Variants in PCDH15 observed in about 807,000 individuals in gnomAD.
PCDH15 encodes protocadherin-15.
A neutral mutation model predicts 178.5 loss-of-function variants in PCDH15; 129 were observed. That is an observed-to-expected ratio of 0.72 (90% CI 0.63 to 0.84). The LOEUF (loss-of-function observed/expected upper bound fraction) is 0.84, where lower values mean the gene tolerates loss of function less well. PCDH15 is among the 40% of genes least tolerant of loss of function. The pLI, the probability that PCDH15 is intolerant of heterozygous loss-of-function variation, is 0.00. For missense variants in PCDH15, 2,230 were observed against 2,099.9 expected, an observed-to-expected ratio of 1.06 and a Z score of -1.21; for synonymous variants, 800 against 732.0, an observed-to-expected ratio of 1.09 and a Z score of -1.50.
At chr10:54,029,088 G>A (rs1352489298) in intron 18 of PCDH15, among the ~76,000 whole-genome samples, 2 of 151,994 alleles carry the variant, frequency 1.3e-5, no homozygotes, top group Non-Finnish European at 2.9e-5. Context: ...TTAAATTAAG[G>A]AGCATAAATA....
intron 2 of PCDH15, among the ~76,000 whole-genome samples, chr10:55,481,790 A>G (rs1339035986): frequency 1.3e-5 from 2 of 151,712 alleles, no homozygotes; most frequent in South Asian, 2.1e-4. Flanking sequence ...CCATATGCCA[A>G]TGAGAAGATT....
intron 2 of PCDH15, among the ~76,000 whole-genome samples, chr10:55,462,393 C>T (rs1302461485): frequency 2.0e-5 from 3 of 152,148 alleles, no homozygotes; most frequent in African/African-American, 4.8e-5. Context: ...TTTCAAATTC[C>T]TTTCACTCAT....
chr10:54,659,808 G>A (rs1456408492), intron 2 of PCDH15, among the ~76,000 whole-genome samples: 2 of 150,020 alleles, frequency 1.3e-5, no homozygotes, highest in Non-Finnish European at 3.0e-5. Context: ...ACAAGTACAT[G>A]GAATCTGAAC....
At chr10:54,309,315 G>T (rs1437799966) in intron 8 of PCDH15, among the ~76,000 whole-genome samples, 1 of 101,936 alleles carries the variant, frequency 9.8e-6, no homozygotes, top group South Asian at 3.5e-4. Flanking sequence ...ATATATATAC[G>T]TACATACACA....
intron 2 of PCDH15, among the ~76,000 whole-genome samples, chr10:55,394,577 T>A (rs1196198530): frequency 6.6e-6 from 1 of 151,988 alleles, no homozygotes; most frequent in Non-Finnish European, 1.5e-5. Flanking sequence ...CTTCCTATTT[T>A]ACATGAAAGA....
intron 21 of PCDH15, among the ~76,000 whole-genome samples, chr10:53,977,430 T>A (rs1453381093): frequency 2.0e-5 from 3 of 152,198 alleles, no homozygotes; most frequent in Non-Finnish European, 4.4e-5. Flanking sequence ...GGGCCATGAG[T>A]TCGACAAGCT....
At chr10:54,814,503 A>G (rs965649619) in intron 3 of PCDH15, among the ~76,000 whole-genome samples, 2 of 152,168 alleles carry the variant, frequency 1.3e-5, no homozygotes, top group African/African-American at 4.8e-5. Context: ...CATTTTACAG[A>G]ACAGAAAGCT....
chr10:54,175,248 C>T (rs113657595), intron 13 of PCDH15, among the ~76,000 whole-genome samples: 225 of 152,240 alleles, frequency 1.5e-3, no homozygotes, highest in African/African-American at 4.7e-3. Context: ...GGCCATACCA[C>T]TCTGAACCCT....
In PCDH15 at chr10:54,775,551, C is replaced by T. The variant is rs114803416; in HGVS notation, c.-29+25374G>A. 1.6e-3 allele frequency among the ~76,000 whole-genome samples: 244 copies of T among 152,202 alleles called. 2 individuals carry two copies. Among genetic ancestry groups the T allele is most frequent in the African/African-American group, 5.6e-3 (232 of 41,524 alleles). On this transcript the variant is annotated intron_variant, in intron 1 of 37. Transcript: ENST00000644397. ...TGTTAACCATTGTCATTCTACAGTG[C>T]TATAAAATATTAGAACTTGATCATT...
At chr10:55,221,405 C>T (rs1840871499) in intron 1 of PCDH15, among the ~76,000 whole-genome samples, 1 of 152,022 alleles carries the variant, frequency 6.6e-6, no homozygotes, top group Admixed American at 6.6e-5. Context: ...ATATACAGTG[C>T]TCTTCTTTGT....
At chr10:54,437,778 A>G (rs188311133) in intron 3 of PCDH15, among the ~76,000 whole-genome samples, 1 of 152,286 alleles carries the variant, frequency 6.6e-6, no homozygotes, top group East Asian at 1.9e-4. Context: ...AATCCAATCA[A>G]TCACCTTGAT....
intron 25 of PCDH15, among the ~76,000 whole-genome samples, chr10:53,936,578 T>C (rs2085594657): frequency 6.6e-6 from 1 of 152,130 alleles, no homozygotes; most frequent in South Asian, 2.1e-4. Context: ...TTTGAAATGT[T>C]CCAAGTAAAA....
At chr10:54,898,876 T>C (rs1954591221) in intron 2 of PCDH15, among the ~76,000 whole-genome samples, 1 of 152,176 alleles carries the variant, frequency 6.6e-6, no homozygotes, top group Non-Finnish European at 1.5e-5. Context: ...GTATATTTGT[T>C]AATGCTAAGT....
chr10:54,321,489 A>G (rs2061603183), intron 7 of PCDH15, among the ~76,000 whole-genome samples: 1 of 151,814 alleles, frequency 6.6e-6, no homozygotes, highest in Non-Finnish European at 1.5e-5. Flanking sequence ...ATATGCATAT[A>G]TACACATACA....
At chr10:54,727,687 G>C (rs1377780174) in intron 1 of PCDH15, among the ~76,000 whole-genome samples, 1 of 151,066 alleles carries the variant, frequency 6.6e-6, no homozygotes, top group African/African-American at 2.4e-5. Context: ...TTAATAGACT[G>C]GTAGCTAGAC....
At chr10:53,987,226 A>C (rs1222007127) in intron 21 of PCDH15, among the ~76,000 whole-genome samples, 2 of 152,146 alleles carry the variant, frequency 1.3e-5, no homozygotes, top group African/African-American at 4.8e-5. Flanking sequence ...AAATAATAAA[A>C]ACATAGCGAA....
intron 8 of PCDH15, among the ~76,000 whole-genome samples, chr10:54,297,511 C>T (rs900547278): frequency 9.2e-5 from 14 of 152,182 alleles, no homozygotes; most frequent in Admixed American, 7.2e-4. Flanking sequence ...TTGCAATTTA[C>T]ATCCCACAGG....
intron 2 of PCDH15, among the ~76,000 whole-genome samples, chr10:55,001,755 G>A (rs1458505785): frequency 1.3e-5 from 2 of 152,184 alleles, no homozygotes; most frequent in African/African-American, 4.8e-5. Context: ...GGCCAAGTAG[G>A]TGGAATGAGC....
intron 1 of PCDH15, among the ~76,000 whole-genome samples, chr10:54,748,807 T>C (rs1945807515): frequency 2.0e-5 from 3 of 152,194 alleles, no homozygotes; most frequent in Non-Finnish European, 4.4e-5. Flanking sequence ...AGCACTCATT[T>C]AAGTGGAGGA....
Sources: gnomAD v4.1 joint callset for allele counts (sites outside exome capture counted in the v4.1 genomes callset) on GRCh38, gnomAD v4.1.1 for gene constraint, MANE v1.5 for transcripts, NCBI Gene and HGNC (gene_info 2026-07-23, HGNC 2026-07-21) for gene names.